YIPF7: variants seen among roughly 807,000 people sequenced by gnomAD.
YIPF7 encodes the protein protein YIPF7.
YIPF7 carries 35 observed loss-of-function variants against 27.2 expected under a neutral mutation model. The ratio of observed to expected loss-of-function variants is 1.29; its 90% CI spans 0.98 to 1.70. The LOEUF is 1.70. Among genes scored for constraint, YIPF7 ranks in the 40% most tolerant of loss-of-function variants. The pLI, the probability that YIPF7 is intolerant of heterozygous loss-of-function variation, is 0.00. For synonymous variants in YIPF7, 137 were observed against 110.4 expected (o/e 1.24, Z -1.51); for missense variants, 358 against 303.7 (o/e 1.18, Z -1.33).
At chr4:44,625,827 T>TA (rs1195053772) in intron 4 of YIPF7, among the ~76,000 whole-genome samples, 1 of 152,152 alleles carries the variant, frequency 6.6e-6, no homozygotes, top group Non-Finnish European at 1.5e-5. Context: ...AAGCTACAGT[T>TA]AAAAAAATTC....
Position 44,650,083 on chromosome 4 carries a change from T to G in YIPF7, c.18A>C (p.Gln6His), listed in dbSNP as rs1173181876. The change falls in exon 2 of 6, where the codon CAA becomes CAC. Residue 6 changes from glutamine to histidine, a missense_variant. Gln to His is a conservative substitution (Grantham distance 24, BLOSUM62 0). Coordinates refer to ENST00000415895, the MANE Select transcript of YIPF7 (RefSeq NM_182592.3). Reference sequence around the variant, plus strand: ...TAGATTGGTAAAAATCAGAGTCAAATTGTGCCAAGTTTGACATCCTGAAAA... The same window carrying G: ...TAGATTGGTAAAAATCAGAGTCAAAGTGTGCCAAGTTTGACATCCTGAAAA... MSNLAQFDSDFYQSNF... is the reference protein window; with the variant it reads MSNLAHFDSDFYQSNF... The G allele has an allele frequency of 1.9e-6, 3 of 1,569,938 alleles. No individual in the cohort carries two copies. The South Asian group carries it at 3.5e-5, about 18-fold the overall frequency.
chr4:44,656,904 T>G (rs62306214), intron 2 of YIPF7, among the ~76,000 whole-genome samples: 3 of 152,178 alleles, frequency 2.0e-5, no homozygotes, highest in East Asian at 1.9e-4. Context: ...TTACTTACTA[T>G]TTTGACTAAA....
intron 4 of YIPF7, chr4:44,629,187 T>C (rs928702767): frequency 6.9e-6 from 3 of 437,140 alleles, no homozygotes; most frequent in Non-Finnish European, 1.1e-5. Flanking sequence ...TTTGATCTGC[T>C]TCTTGATTTT....
At chr4:44,656,292 T>G (rs914395186), upstream of YIPF7, among the ~76,000 whole-genome samples, 1 of 152,026 alleles carries the variant, frequency 6.6e-6, no homozygotes, top group African/African-American at 2.4e-5. Context: ...AGGAAGTCTT[T>G]CCCAGGAATT....
chr4:44,653,654 G>A (rs1713805202), upstream of YIPF7, among the ~76,000 whole-genome samples: 4 of 152,014 alleles, frequency 2.6e-5, no homozygotes, highest in Admixed American at 2.6e-4. Flanking sequence ...GGAGGAAGAA[G>A]GAAAAGGCAA....
chr4:44,654,329 G>A (rs1577746050), upstream of YIPF7, among the ~76,000 whole-genome samples: 2 of 151,996 alleles, frequency 1.3e-5, no homozygotes, highest in Admixed American at 1.3e-4. Context: ...TTGTTTCTGT[G>A]TCCTGAATGA....
chr4:44,630,120 C>T (rs1712834575), intron 3 of YIPF7, among the ~76,000 whole-genome samples: 1 of 152,154 alleles, frequency 6.6e-6, no homozygotes, highest in African/African-American at 2.4e-5. Context: ...AGGCATGCAC[C>T]ACCACACCTG....
At chr4:44,627,408 G>T (rs567541425) in intron 4 of YIPF7, among the ~76,000 whole-genome samples, 1 of 152,248 alleles carries the variant, frequency 6.6e-6, no homozygotes, top group Admixed American at 6.5e-5. Flanking sequence ...TGTCTCCAGA[G>T]ATAATAAGCA....
intron 2 of YIPF7, among the ~76,000 whole-genome samples, chr4:44,644,439 G>A (rs1329887297): frequency 2.0e-5 from 3 of 152,248 alleles, no homozygotes; most frequent in Non-Finnish European, 4.4e-5. Context: ...CAGCCTGTGG[G>A]CTGTGGGTTG....
intron 3 of YIPF7, among the ~76,000 whole-genome samples, chr4:44,634,507 C>T (rs954508256): frequency 3.3e-5 from 5 of 151,542 alleles, no homozygotes; most frequent in Non-Finnish European, 5.9e-5. Flanking sequence ...ACTCCAGCCT[C>T]GGCAACAGAG....
intron 4 of YIPF7, among the ~76,000 whole-genome samples, chr4:44,626,951 AT>A (rs35211257): frequency 5.7e-4 from 82 of 143,726 alleles, no homozygotes; most frequent in Middle Eastern, 3.6e-3. Flanking sequence ...AATTTTCTGT[AT>A]TTTTTTTTTT....
At chr4:44,640,030 T>G (rs192227267) in intron 2 of YIPF7, among the ~76,000 whole-genome samples, 1 of 152,316 alleles carries the variant, frequency 6.6e-6, no homozygotes, top group Non-Finnish European at 1.5e-5. Context: ...CTTTCATCCC[T>G]TGTATAAAAC....
At chr4:44,659,861 C>T (rs1024846488) in intron 2 of YIPF7, among the ~76,000 whole-genome samples, 5 of 151,916 alleles carry the variant, frequency 3.3e-5, no homozygotes, top group African/African-American at 9.7e-5. Context: ...CGCCTATAAT[C>T]CCAGCACTTT....
At chr4:44,628,843 T>C (rs1250767507) in intron 4 of YIPF7, among the ~76,000 whole-genome samples, 1 of 152,134 alleles carries the variant, frequency 6.6e-6, no homozygotes, top group Non-Finnish European at 1.5e-5. Flanking sequence ...AATGTCTTCA[T>C]AAAAGGTGGA....
chr4:44,631,062 C>G (rs777713060), intron 3 of YIPF7, among the ~76,000 whole-genome samples: 4 of 152,154 alleles, frequency 2.6e-5, no homozygotes, highest in African/African-American at 7.2e-5. Context: ...CACAATCAAT[C>G]AGTTACTATT....
chr4:44,624,178 C>T (rs1712540042), intron 5 of YIPF7, among the ~76,000 whole-genome samples: 2 of 151,706 alleles, frequency 1.3e-5, no homozygotes, highest in Admixed American at 1.3e-4. Flanking sequence ...GATTCTCCTG[C>T]CTCAGCCTCC....
intron 4 of YIPF7, among the ~76,000 whole-genome samples, chr4:44,625,842 A>G (rs1015901277): frequency 2.6e-5 from 4 of 152,132 alleles, no homozygotes; most frequent in African/African-American, 9.7e-5. Flanking sequence ...AAATTCATTA[A>G]TTTTTTATAT....
intron 5 of YIPF7, 116 bp from the exon 6 acceptor site, chr4:44,622,692 A>C: frequency 7.7e-7 from 1 of 1,294,076 alleles, no homozygotes; most frequent in Non-Finnish European, 1.1e-6. Context: ...CGAGTGGTAA[A>C]ATGAAAATGA....
chr4:44,661,672 A>G (rs951223757), intron 1 of YIPF7, among the ~76,000 whole-genome samples: 4 of 152,212 alleles, frequency 2.6e-5, no homozygotes, highest in African/African-American at 9.6e-5. Flanking sequence ...TTTTAATCTT[A>G]TATATTTCCC....
Sources: gnomAD v4.1 joint callset for allele counts (sites outside exome capture counted in the v4.1 genomes callset) on GRCh38, gnomAD v4.1.1 for gene constraint, MANE v1.5 for transcripts, NCBI Gene and HGNC (gene_info 2026-07-23, HGNC 2026-07-21) for gene names.